NCAM1: variants seen among roughly 807,000 people sequenced by gnomAD.
The protein encoded by NCAM1 is neural cell adhesion molecule 1, also known as antigen recognized by monoclonal antibody 5.1H11.
In NCAM1, 14 loss-of-function variants were observed where a neutral mutation model predicts 109.8. The observed-to-expected ratio is 0.13, with a 90% CI of 0.08 to 0.20. NCAM1 has a LOEUF of 0.20. Ranked by LOEUF, NCAM1 falls within the 10% of genes least tolerant of loss-of-function variation. The pLI, the probability that NCAM1 is intolerant of heterozygous loss-of-function variation, is 1.00. For missense variants in NCAM1, 774 were observed against 1,109.9 expected, an observed-to-expected ratio of 0.70 and a Z score of 4.30; for synonymous variants, 418 against 442.9, an observed-to-expected ratio of 0.94 and a Z score of 0.70.
rs989189104 is a variant in NCAM1 at position 113,266,492 on chromosome 11, G to A, written c.2132-3696G>A. ...GGGTCACTGGGTGAGACAGCACAGT[G>A]CACCCTGGGGTGGCAAATCATGGGA... On this transcript the variant is annotated intron_variant, in intron 17 of 19. Transcript: ENST00000316851. Among the ~76,000 whole-genome samples, 50 of 152,178 alleles carry A rather than the reference G, an allele frequency of 3.3e-4. 1 individual carries two copies. The highest frequency in any genetic ancestry group is 2.6e-4 in the Admixed American group (4 of 15,282).
intron 1 of NCAM1, among the ~76,000 whole-genome samples, chr11:113,081,329 C>G (rs1036192033): frequency 2.6e-5 from 4 of 152,176 alleles, no homozygotes; most frequent in Admixed American, 6.5e-5. Flanking sequence ...ATCCCAGTTT[C>G]CGAGAAGTAT....
Position 113,142,989 on chromosome 11 carries a change from G to A in NCAM1, c.53-59390G>A, listed in dbSNP as rs574297470. On this transcript the variant is annotated intron_variant, in intron 1 of 19. Coordinates refer to ENST00000316851, the MANE Select transcript of NCAM1 (RefSeq NM_181351.5). ...TTTTCTGAAAATTTAAAGGGATGCAGACATCATGACACCTAACTCCTGAAT... is the reference window on the plus strand; with the variant it reads ...TTTTCTGAAAATTTAAAGGGATGCAAACATCATGACACCTAACTCCTGAAT... 2.0e-5 allele frequency among the ~76,000 whole-genome samples: 3 copies of A among 152,240 alleles called. No individual in the cohort carries two copies. In the South Asian group the frequency reaches 6.2e-4, roughly 32 times the overall value.
At chr11:113,039,970 A>G (rs546955488) in intron 1 of NCAM1, among the ~76,000 whole-genome samples, 4 of 151,948 alleles carry the variant, frequency 2.6e-5, no homozygotes, top group Non-Finnish European at 4.4e-5. Flanking sequence ...GCGAAACCCC[A>G]TCTCTACTAA....
At chr11:113,154,246 G>A (rs937139869) in intron 1 of NCAM1, among the ~76,000 whole-genome samples, 10 of 152,150 alleles carry the variant, frequency 6.6e-5, no homozygotes, top group Admixed American at 5.2e-4. Flanking sequence ...TGGCAATAAC[G>A]AATAATGATT....
intron 1 of NCAM1, among the ~76,000 whole-genome samples, chr11:113,102,945 A>G (rs1555091787): frequency 6.6e-6 from 1 of 152,174 alleles, no homozygotes; most frequent in Non-Finnish European, 1.5e-5. Flanking sequence ...ATTAGACACA[A>G]AATAAACTGG....
chr11:113,103,684 C>G (rs1555091927), intron 1 of NCAM1, among the ~76,000 whole-genome samples: 1 of 152,100 alleles, frequency 6.6e-6, no homozygotes, highest in African/African-American at 2.4e-5. Flanking sequence ...ATAGGCTAGA[C>G]AAGGGGTCCC....
At chr11:113,172,530 G>A (rs1555106410) in intron 1 of NCAM1, among the ~76,000 whole-genome samples, 1 of 152,130 alleles carries the variant, frequency 6.6e-6, no homozygotes, top group East Asian at 1.9e-4. Context: ...TTTTGTCTGG[G>A]TCTTTTATTT....
At chr11:113,262,956 A>C (rs372502789) in intron 17 of NCAM1, 2 of 1,605,662 alleles carry the variant, frequency 1.2e-6, no homozygotes, top group African/African-American at 2.7e-5. Flanking sequence ...AATTTGCTTA[A>C]AAGCCCAGTT....
chr11:113,152,070 A>G (rs1942244592), intron 1 of NCAM1, among the ~76,000 whole-genome samples: 1 of 152,146 alleles, frequency 6.6e-6, no homozygotes, highest in Non-Finnish European at 1.5e-5. Context: ...GTTCCAGAAA[A>G]ATATAAGAAA....
Position 113,278,302 on chromosome 11 carries a change from T to A in NCAM1, c.*2915T>A, listed in dbSNP as rs1237663035. Reference sequence around the variant, plus strand: ...GGGGCCTTCTCTCTTGTTATAAAACTTTTTACCAAGTGAAACATCGATACC... The same window carrying A: ...GGGGCCTTCTCTCTTGTTATAAAACATTTTACCAAGTGAAACATCGATACC... On this transcript the variant is annotated 3_prime_UTR_variant, in exon 20 of 20. Coordinates refer to ENST00000316851, the MANE Select transcript of NCAM1 (RefSeq NM_181351.5). 2 of 152,202 alleles carry A rather than the reference T, an allele frequency of 1.3e-5. No homozygotes were observed. The highest frequency in any genetic ancestry group is 2.9e-5 in the Non-Finnish European group (2 of 68,042). 9.4% of individuals were successfully genotyped at this position (152,202 alleles called of 1,614,324 possible).
intron 1 of NCAM1, among the ~76,000 whole-genome samples, chr11:113,174,694 TTTTTCCACTTGCAAG>T (rs1208579722): frequency 6.6e-6 from 1 of 152,176 alleles, no homozygotes; most frequent in Admixed American, 6.5e-5. Flanking sequence ...TGCTTAGTAT[TTTTTCCACTTGCAAG>T]TGGCATCAAG....
At chr11:113,255,297 ACTT>A (rs1945804621) in intron 15 of NCAM1, among the ~76,000 whole-genome samples, 1 of 152,124 alleles carries the variant, frequency 6.6e-6, no homozygotes, top group African/African-American at 2.4e-5. Context: ...ACAACCGGAA[ACTT>A]CTTATTTTTT....
intron 1 of NCAM1, among the ~76,000 whole-genome samples, chr11:112,967,245 C>A (rs2134488509): frequency 6.6e-6 from 1 of 152,306 alleles, no homozygotes; most frequent in Admixed American, 6.5e-5. Flanking sequence ...ATTACCTCAT[C>A]ATTTAAGAAT....
At chr11:113,092,612 C>G (rs1939401138) in intron 1 of NCAM1, among the ~76,000 whole-genome samples, 1 of 152,124 alleles carries the variant, frequency 6.6e-6, no homozygotes, top group Non-Finnish European at 1.5e-5. Flanking sequence ...TATTATTGGT[C>G]TTTAAATTCT....
At chr11:113,263,718 G>C in intron 17 of NCAM1, 1 of 985,564 alleles carries the variant, frequency 1.0e-6, no homozygotes, top group Non-Finnish European at 1.2e-6. Context: ...GATCAGCACA[G>C]AGTGGGGCCG....
chr11:113,228,703 C>T (rs1425640558), intron 9 of NCAM1, among the ~76,000 whole-genome samples: 2 of 152,182 alleles, frequency 1.3e-5, no homozygotes, highest in African/African-American at 4.8e-5. Flanking sequence ...CTACAGTAAC[C>T]AAAGCAGCAT....
intron 1 of NCAM1, among the ~76,000 whole-genome samples, chr11:113,087,224 C>T (rs1037684634): frequency 1.1e-4 from 16 of 152,094 alleles, no homozygotes; most frequent in Admixed American, 7.2e-4. Flanking sequence ...TTTCACAGGC[C>T]GGAGGACTTT....
At chr11:113,205,934 A>G in intron 4 of NCAM1, 109 bp from the exon 5 acceptor site, 1 of 1,396,016 alleles carries the variant, frequency 7.2e-7, no homozygotes, top group Non-Finnish European at 9.9e-7. Context: ...TTGGGCTTAA[A>G]ACCCCACCCT....
At chr11:113,193,738 G>T (rs1943767939) in intron 1 of NCAM1, among the ~76,000 whole-genome samples, 2 of 152,132 alleles carry the variant, frequency 1.3e-5, no homozygotes. Context: ...AGAACTGGGT[G>T]CCTTTTGGGG....
Sources: allele counts gnomAD v4.1 joint callset (sites outside exome capture counted in the v4.1 genomes callset), GRCh38; gene constraint gnomAD v4.1.1; transcripts MANE v1.5; gene names NCBI Gene and HGNC (gene_info 2026-07-23, HGNC 2026-07-21).